The following PRDM15 variants were observed in gnomAD, a reference collection of about 807,000 sequenced individuals.
PRDM15 encodes the protein PR domain zinc finger protein 15.
Under a neutral mutation model 128.6 loss-of-function variants are expected in PRDM15, and 64 were observed. The observed-to-expected ratio is 0.50, with a 90% CI of 0.41 to 0.61. PRDM15 has a LOEUF of 0.61. Among genes scored for constraint, PRDM15 ranks in the 20% least tolerant of loss-of-function variants. PRDM15 has a pLI of 0.00. For synonymous variants in PRDM15, 615 were observed against 621.8 expected (o/e 0.99, Z 0.16); for missense variants, 1,242 against 1,569.1 (o/e 0.79, Z 3.52).
At chr21:41,823,745 T>C (rs1487989733) in intron 13 of PRDM15, among the ~76,000 whole-genome samples, 3 of 152,236 alleles carry the variant, frequency 2.0e-5, no homozygotes, top group East Asian at 1.9e-4. Flanking sequence ...CATTTAAATA[T>C]TTCCCTAGGA....
intron 6 of PRDM15, 38 bp downstream of exon 6, chr21:41,847,049 CAGG>C: frequency 7.5e-7 from 1 of 1,325,228 alleles, no homozygotes; most frequent in African/African-American, 1.5e-5. Flanking sequence ...GAAATCGACA[CAGG>C]AGTTTTACAA....
chr21:41,831,683 T>C (rs529459492), intron 11 of PRDM15, among the ~76,000 whole-genome samples: 1 of 152,182 alleles, frequency 6.6e-6, no homozygotes, highest in East Asian at 1.9e-4. Flanking sequence ...GGGAAATCTA[T>C]GCCCCATGGG....
chr21:41,825,812 G>T, intron 13 of PRDM15, 148 bp downstream of exon 13: 1 of 598,658 alleles, frequency 1.7e-6, no homozygotes, highest in East Asian at 3.1e-5. Context: ...GTTTAAAATG[G>T]GTGGACACCA....
In PRDM15 at chr21:41,821,295, G is replaced by A; in HGVS notation, c.1897-65C>T. The A allele has an allele frequency of 6.3e-7, 1 of 1,589,924 alleles. No homozygotes were observed. The highest frequency in any genetic ancestry group is 8.6e-7 in the Non-Finnish European group (1 of 1,164,316). On this transcript the variant is annotated intron_variant, in intron 15 of 23. Transcript: ENST00000398548. This position sits in a 1 kb window ranked among gnomAD's most constrained non-coding sequence, Gnocchi z 5.4. The stretch of plus-strand genomic sequence containing the variant: ...GAGGTCCCTGGTCCTCTTAGCTAAT[G>A]AGGTCGTGTCCACAAACCAGGGCAC...
chr21:41,825,829 G>A, intron 13 of PRDM15, 131 bp downstream of exon 13: 2 of 685,512 alleles, frequency 2.9e-6, no homozygotes, highest in Non-Finnish European at 2.5e-6. Context: ...ACCAGTTTAA[G>A]ACAACCTGAG....
At chr21:41,805,145 C>T (rs762243974) in intron 21 of PRDM15, among the ~76,000 whole-genome samples, 10 of 152,296 alleles carry the variant, frequency 6.6e-5, no homozygotes, top group East Asian at 5.8e-4. Flanking sequence ...GTCCTCAGCA[C>T]GCCCCATGTG....
At position 41,828,363 on chromosome 21, in the gene PRDM15, AT is replaced by A; in HGVS notation, c.1367-31del. 2 of 1,611,430 alleles carry A rather than the reference AT, an allele frequency of 1.2e-6. No individual in the cohort carries two copies. On this transcript the variant is annotated intron_variant, in intron 11 of 23. Transcript: ENST00000398548. This position sits in a 1 kb window ranked among gnomAD's most constrained non-coding sequence, Gnocchi z 5.7. ...CCAGAGAGCAAACAAACACACAACG[AT>A]TTTGAGGTAAATAACATCTCACGCA...
chr21:41,810,507 C>T lies in PRDM15; in HGVS notation c.2477-178G>A, dbSNP rs2061830963. ...ACACATGAGCACAGAGCCTCTGTCCCTTGGGGAGCACTGCCAGCAGCAGCT... is the reference window on the plus strand; with the variant it reads ...ACACATGAGCACAGAGCCTCTGTCCTTTGGGGAGCACTGCCAGCAGCAGCT... On this transcript the variant is annotated intron_variant, in intron 20 of 23. Coordinates refer to ENST00000398548, the MANE Select transcript of PRDM15 (RefSeq NM_001040424.3). The surrounding 1 kb of genome is among the most constrained non-coding windows in gnomAD (Gnocchi z 6.4). 1 of 693,338 alleles carries T rather than the reference C, an allele frequency of 1.4e-6. No homozygotes were observed. The highest frequency in any genetic ancestry group is 1.8e-5 in the African/African-American group (1 of 55,704). 42.9% of individuals were successfully genotyped at this position (693,338 alleles called of 1,614,324 possible).
At chr21:41,803,095 G>T (rs3737427) in intron 22 of PRDM15, 174 bp from the exon 23 acceptor site, 49 of 626,614 alleles carry the variant, frequency 7.8e-5, no homozygotes, top group Non-Finnish European at 1.2e-4. Context: ...TCTAAGGATC[G>T]GGGCAAGTTC....
chr21:41,809,228 T>C (rs570362508), intron 21 of PRDM15, among the ~76,000 whole-genome samples: 6 of 128,372 alleles, frequency 4.7e-5, no homozygotes, highest in African/African-American at 1.4e-4. Flanking sequence ...CCTATGCAAA[T>C]TTTTTCTTTT....
At chr21:41,831,569 T>C (rs941506043) in intron 11 of PRDM15, among the ~76,000 whole-genome samples, 1 of 151,992 alleles carries the variant, frequency 6.6e-6, no homozygotes, top group Admixed American at 6.6e-5. Flanking sequence ...AGGTTGGGGG[T>C]GAGGGAAGCA....
In PRDM15 at chr21:41,862,565, ATGTAAATGTCCGAG is replaced by A. The variant is rs1208255308; in HGVS notation, c.-9-2207_-9-2194del. Among the ~76,000 whole-genome samples the A allele has an allele frequency of 6.6e-6, 1 of 152,146 alleles. No homozygotes were observed. Among genetic ancestry groups the A allele is most frequent in the East Asian group, 1.9e-4 (1 of 5,186 alleles). On this transcript the variant is annotated intron_variant, in intron 1 of 23. Coordinates refer to ENST00000398548, the MANE Select transcript of PRDM15 (RefSeq NM_001040424.3). The surrounding 1 kb of genome is among the most constrained non-coding windows in gnomAD (Gnocchi z 4.1). ...GCCCCCTGTGCTGCACTCTGATTCT[ATGTAAATGTCCGAG>A]TCCTGGCAATAAGGGTCCCGATTAG...
rs1331813960 is a variant in PRDM15 at position 41,799,766 on chromosome 21, G to C, written c.*1474C>G. ...TTTCCTCAAGATGGACTCCCAGTGA[G>C]TGCAGGATCTGGGATAACTGGCAAA... On this transcript the variant is annotated 3_prime_UTR_variant, in exon 24 of 24. Coordinates refer to ENST00000398548, the MANE Select transcript of PRDM15 (RefSeq NM_001040424.3). 1 of 152,658 alleles carries C rather than the reference G, an allele frequency of 6.6e-6. No individual in the cohort carries two copies. 9.5% of individuals were successfully genotyped at this position (152,658 alleles called of 1,614,324 possible). A position where few individuals can be genotyped will look rare whatever the true frequency, so the allele number is the denominator to read the frequency against.
chr21:41,816,505 G>A lies in PRDM15; in HGVS notation c.2261-669C>T, dbSNP rs2062058376. On this transcript the variant is annotated intron_variant, in intron 18 of 23. Transcript: ENST00000398548. ...GCAGCCTCCCCAGCCCCGAAGAGGC[G>A]CCTTCACTGTGCCTGCCCAGGGCGG... Among the ~76,000 whole-genome samples, 6 of 152,254 alleles carry A rather than the reference G, an allele frequency of 3.9e-5. No homozygotes were observed. In the South Asian group the frequency reaches 1.2e-3, roughly 32 times the overall value.
In PRDM15 at chr21:41,854,942, C is replaced by G. The variant is rs541204408; in HGVS notation, c.286-124G>C. 9.3e-6 allele frequency: 10 copies of G among 1,069,986 alleles called. No individual in the cohort carries two copies. In the South Asian group the frequency reaches 1.6e-4, roughly 17 times the overall value. 66.3% of individuals were successfully genotyped at this position (1,069,986 alleles called of 1,614,324 possible). A position where few individuals can be genotyped will look rare whatever the true frequency, so the allele number is the denominator to read the frequency against. ...AGTGCCACGTCAGAGGCCATAAGGG[C>G]TCCTGTACGGGATGTTGAGGTGTTT... is the stretch of plus-strand genomic sequence containing the variant. On this transcript the variant is annotated intron_variant, in intron 4 of 23. Transcript: ENST00000398548. This position sits in a 1 kb window ranked among gnomAD's most constrained non-coding sequence, Gnocchi z 4.6.
intron 5 of PRDM15, among the ~76,000 whole-genome samples, chr21:41,849,898 C>T (rs2063375632): frequency 6.6e-6 from 1 of 152,054 alleles, no homozygotes; most frequent in Admixed American, 6.5e-5. Flanking sequence ...ATTGGGCCAC[C>T]ACATTCCAGC....
intron 21 of PRDM15, among the ~76,000 whole-genome samples, chr21:41,806,866 C>T (rs1443614828): frequency 1.5e-5 from 2 of 134,572 alleles, no homozygotes; most frequent in Admixed American, 1.4e-4. Context: ...ACCACTACCA[C>T]CGCCATCACC....
intron 18 of PRDM15, among the ~76,000 whole-genome samples, chr21:41,817,284 A>T (rs551657578): frequency 6.6e-6 from 1 of 152,348 alleles, no homozygotes; most frequent in East Asian, 1.9e-4. Flanking sequence ...ATAGCTTTCA[A>T]TACCTGGTGT....
At chr21:41,858,136 C>G (rs1461009273) in intron 3 of PRDM15, among the ~76,000 whole-genome samples, 1 of 152,216 alleles carries the variant, frequency 6.6e-6, no homozygotes, top group Non-Finnish European at 1.5e-5. Flanking sequence ...AAGTCCCAAA[C>G]AGAAAGGGTT....
Sources: allele counts gnomAD v4.1 joint callset (sites outside exome capture counted in the v4.1 genomes callset), GRCh38; gene constraint gnomAD v4.1.1; non-coding constraint Gnocchi (gnomAD v3.1); transcripts MANE v1.5; gene names NCBI Gene and HGNC (gene_info 2026-07-23, HGNC 2026-07-21).